AFF2: variants seen among roughly 807,000 people sequenced by gnomAD.
AFF2 encodes AF4/FMR2 family member 2.
A neutral mutation model predicts 76.9 loss-of-function variants in AFF2; 14 were observed. The ratio of observed to expected loss-of-function variants is 0.18; its 90% CI spans 0.12 to 0.28. The LOEUF (loss-of-function observed/expected upper bound fraction) is 0.28. Among genes scored for constraint, AFF2 ranks in the 10% least tolerant of loss-of-function variants. AFF2 has a pLI of 1.00. For missense variants in AFF2, 868 were observed against 1,001.1 expected, an observed-to-expected ratio of 0.87 and a Z score of 1.79; for synonymous variants, 398 against 366.7, an observed-to-expected ratio of 1.09 and a Z score of -0.98.
chrX:148,718,764 G>T (rs1285736036), intron 3 of AFF2, among the ~76,000 whole-genome samples: 1 of 111,184 alleles, frequency 9.0e-6, no homozygotes, highest in African/African-American at 3.3e-5. Flanking sequence ...AGGGAAACCT[G>T]TTTTATTCAT....
Position 148,884,400 on chromosome X carries a change from C to T in AFF2, c.1263-1489C>T, listed in dbSNP as rs146512470. On this transcript the variant is annotated intron_variant, in intron 7 of 20. Transcript: ENST00000370460. ...TTTGGAGAGTTATTGGATATCCGCTCTGCCCTGACTCTCCTTTCAATATTT... is the reference window on the plus strand; with the variant it reads ...TTTGGAGAGTTATTGGATATCCGCTTTGCCCTGACTCTCCTTTCAATATTT... 8.9e-3 allele frequency among the ~76,000 whole-genome samples: 999 copies of T among 112,160 alleles called. 9 individuals are homozygous for T. Among genetic ancestry groups the T allele is most frequent in the African/African-American group, 0.03 (928 of 30,837 alleles).
At chrX:148,734,936 CA>C (rs377071593) in intron 3 of AFF2, among the ~76,000 whole-genome samples, 15 of 111,804 alleles carry the variant, frequency 1.3e-4, no homozygotes, top group Middle Eastern at 4.7e-3. Flanking sequence ...TTATTCTCTC[CA>C]AAAATCACCC....
chrX:148,622,238 A>G (rs2053876419), intron 1 of AFF2, among the ~76,000 whole-genome samples: 1 of 112,032 alleles, frequency 8.9e-6, no homozygotes, highest in African/African-American at 3.2e-5. Context: ...AAAGAGAACC[A>G]GTAGGAGACA....
intron 3 of AFF2, among the ~76,000 whole-genome samples, chrX:148,738,085 G>C (rs987039078): frequency 5.4e-5 from 6 of 110,585 alleles, no homozygotes; most frequent in Non-Finnish European, 1.1e-4. Context: ...TTTTCTTTTT[G>C]GTTATGTCCT....
intron 3 of AFF2, among the ~76,000 whole-genome samples, chrX:148,743,650 A>T (rs2055387645): frequency 9.0e-6 from 1 of 111,076 alleles, no homozygotes; most frequent in African/African-American, 3.3e-5. Flanking sequence ...AGGACCCTGA[A>T]TGCTTTATTT....
At chrX:148,683,505 T>A (rs1393998876) in intron 3 of AFF2, among the ~76,000 whole-genome samples, 7 of 112,265 alleles carry the variant, frequency 6.2e-5, no homozygotes, top group Non-Finnish European at 1.3e-4. Context: ...TTTCCTATGC[T>A]ACCCTGCTTT....
At chrX:148,888,046 G>A (rs184387048) in intron 8 of AFF2, among the ~76,000 whole-genome samples, 1 of 111,726 alleles carries the variant, frequency 9.0e-6, no homozygotes, top group East Asian at 2.8e-4. Context: ...GGCAAAATTC[G>A]CATAACATAA....
At chrX:148,940,761 C>T (rs782801269) in intron 9 of AFF2, among the ~76,000 whole-genome samples, 2 of 111,800 alleles carry the variant, frequency 1.8e-5, no homozygotes, top group South Asian at 3.8e-4. Context: ...CCTCAGCTAT[C>T]TTATCACTAG....
At chrX:148,567,946 G>A (rs781829415) in intron 1 of AFF2, among the ~76,000 whole-genome samples, 1 of 111,289 alleles carries the variant, frequency 9.0e-6, no homozygotes, top group East Asian at 2.9e-4. Flanking sequence ...GGCCAGCTCA[G>A]CAGTCTCCAG....
intron 3 of AFF2, among the ~76,000 whole-genome samples, chrX:148,741,481 C>G (rs1266611385): frequency 9.0e-6 from 1 of 110,900 alleles, no homozygotes; most frequent in African/African-American, 3.3e-5. Flanking sequence ...GTCTCACCCC[C>G]ACTGTGCCTC....
At chrX:148,713,889 G>A (rs2054998209) in intron 3 of AFF2, among the ~76,000 whole-genome samples, 1 of 111,872 alleles carries the variant, frequency 8.9e-6, no homozygotes, top group Admixed American at 9.5e-5. Flanking sequence ...GTTAATCTTA[G>A]TCTGTTTAAG....
intron 1 of AFF2, among the ~76,000 whole-genome samples, chrX:148,578,702 G>A (rs2053319083): frequency 9.0e-6 from 1 of 111,531 alleles, no homozygotes; most frequent in African/African-American, 3.3e-5. Flanking sequence ...TCTGTTTTGG[G>A]GGAAAAAACA....
At chrX:148,912,090 C>T (rs2071475809) in intron 9 of AFF2, among the ~76,000 whole-genome samples, 1 of 112,543 alleles carries the variant, frequency 8.9e-6, no homozygotes, top group Non-Finnish European at 1.9e-5. Flanking sequence ...TTTGCAACAA[C>T]ATGGACAGAG....
chrX:148,962,526 T>A (rs1476789196), intron 12 of AFF2, among the ~76,000 whole-genome samples, 189 bp from the exon 13 acceptor site: 3 of 112,165 alleles, frequency 2.7e-5, no homozygotes, highest in Non-Finnish European at 5.6e-5. Context: ...TATATTTATA[T>A]AGAGAGATAT....
chrX:148,936,346 C>T (rs782799004), intron 9 of AFF2, among the ~76,000 whole-genome samples: 1 of 112,073 alleles, frequency 8.9e-6, no homozygotes, highest in South Asian at 3.7e-4. Context: ...TAGGCATTGT[C>T]AAGGCTGTAA....
intron 3 of AFF2, among the ~76,000 whole-genome samples, chrX:148,752,865 A>AT (rs1168124511): frequency 2.7e-5 from 3 of 112,006 alleles, no homozygotes; most frequent in Non-Finnish European, 5.6e-5. Context: ...GGAACTTCTC[A>AT]ATGATTTCTT....
chrX:148,932,720 T>A (rs1230201502), intron 9 of AFF2, among the ~76,000 whole-genome samples: 1 of 112,582 alleles, frequency 8.9e-6, no homozygotes, highest in Non-Finnish European at 1.9e-5. Context: ...GGTTCTTTTG[T>A]TCCTGTTTTC....
At chrX:148,896,505 C>G (rs1315420903) in intron 8 of AFF2, among the ~76,000 whole-genome samples, 3 of 112,060 alleles carry the variant, frequency 2.7e-5, no homozygotes, top group Non-Finnish European at 5.6e-5. Context: ...ATGGCAGCAA[C>G]TATCTTCCAA....
At chrX:148,602,463 G>C (rs781859705) in intron 1 of AFF2, among the ~76,000 whole-genome samples, 1 of 110,069 alleles carries the variant, frequency 9.1e-6, no homozygotes, top group African/African-American at 3.3e-5. Context: ...GGGATTGGAG[G>C]GGGTGATAGC....
Sources: gnomAD v4.1 joint callset for allele counts (sites outside exome capture counted in the v4.1 genomes callset) on GRCh38, gnomAD v4.1.1 for gene constraint, MANE v1.5 for transcripts, NCBI Gene and HGNC (gene_info 2026-07-23, HGNC 2026-07-21) for gene names.